The following USP7 variants were observed in gnomAD, a reference collection of about 807,000 sequenced individuals.
The protein encoded by USP7 is ubiquitin C-terminal hydrolase 7.
Under a neutral mutation model 162.9 loss-of-function variants are expected in USP7, and 9 were observed. The ratio of observed to expected loss-of-function variants is 0.06; its 90% CI spans 0.03 to 0.10. The LOEUF (loss-of-function observed/expected upper bound fraction) is 0.10, where lower values mean the gene tolerates loss of function less well. USP7 is among the 10% of genes least tolerant of loss of function. USP7 has a pLI of 1.00. For synonymous variants in USP7, 562 were observed against 475.9 expected (o/e 1.18, Z -2.35); for missense variants, 715 against 1,373.7 (o/e 0.52, Z 7.58).
intron 12 of USP7, among the ~76,000 whole-genome samples, chr16:8,907,899 T>G (rs1438101445): frequency 6.6e-6 from 1 of 152,234 alleles, no homozygotes; most frequent in African/African-American, 2.4e-5. Flanking sequence ...TCTTGAAAAC[T>G]CTAGCACATT....
intron 1 of USP7, among the ~76,000 whole-genome samples, chr16:8,956,840 C>G (rs933621168): frequency 6.6e-6 from 1 of 152,114 alleles, no homozygotes; most frequent in African/African-American, 2.4e-5. Context: ...AGAGCCCAGC[C>G]CCCCCGCAGG....
chr16:8,954,764 C>G (rs190113689), intron 1 of USP7, among the ~76,000 whole-genome samples: 1 of 152,012 alleles, frequency 6.6e-6, no homozygotes, highest in Non-Finnish European at 1.5e-5. Flanking sequence ...ATCAGGAGAT[C>G]GAGACCATCC....
In USP7 at chr16:8,892,183, A is replaced by C. The variant is rs188849047; in HGVS notation, c.*1815T>G. 1.3e-5 allele frequency: 2 copies of C among 152,386 alleles called. No homozygotes were observed. Among genetic ancestry groups the C allele is most frequent in the African/African-American group, 4.8e-5 (2 of 41,566 alleles). 9.4% of individuals were successfully genotyped at this position (152,386 alleles called of 1,614,324 possible). On this transcript the variant is annotated 3_prime_UTR_variant, in exon 31 of 31. Transcript: ENST00000344836. ...ACAGCCAACCCCCAGCCCAGAACAA[A>C]AACAAGACACCTTAATGTTTGTTCA...
chr16:8,925,169 G>C (rs1161063791), intron 2 of USP7, among the ~76,000 whole-genome samples: 1 of 152,192 alleles, frequency 6.6e-6, no homozygotes, highest in Non-Finnish European at 1.5e-5. Flanking sequence ...GAGGTTCGCC[G>C]AGGCTGTTTT....
intron 1 of USP7, among the ~76,000 whole-genome samples, chr16:8,949,365 A>G (rs1425345498): frequency 6.6e-6 from 1 of 152,234 alleles, no homozygotes; most frequent in East Asian, 1.9e-4. Context: ...CTATGTAGGG[A>G]AAAACTACTG....
intron 25 of USP7, 71 bp from the exon 26 acceptor site, chr16:8,897,170 G>C (rs112457721): frequency 2.5e-6 from 3 of 1,205,090 alleles, no homozygotes; most frequent in African/African-American, 3.0e-5. Context: ...AAGGAAGAGA[G>C]GAGAAAGTTG....
chr16:8,917,131 C>G lies in USP7; in HGVS notation c.746G>C (p.Gly249Ala). 2.5e-6 allele frequency: 4 copies of G among 1,612,758 alleles called. No individual in the cohort carries two copies. Among genetic ancestry groups the G allele is most frequent in the Non-Finnish European group, 3.4e-6 (4 of 1,179,650 alleles). Residue 249 changes from glycine (G) to alanine (A), a missense_variant, in exon 7 of 31, where the codon GGG becomes GCG. Coordinates refer to ENST00000344836, the MANE Select transcript of USP7 (RefSeq NM_003470.3). ...RKAVYMMPTE[G>A]DDSSKSVPLA... ...AGGGACGCTTTTAGACGAATCATCC[C>G]CCTCGGTTGGCATCATGTACACAGC...
intron 1 of USP7, among the ~76,000 whole-genome samples, chr16:8,952,875 C>T (rs999505716): frequency 6.6e-5 from 10 of 151,442 alleles, no homozygotes; most frequent in Non-Finnish European, 4.4e-5. Context: ...TTCTTGTTGT[C>T]GCCCAGGCTA....
At chr16:8,923,544 C>T (rs1897821058) in intron 2 of USP7, 131 bp from the exon 3 acceptor site, 3 of 962,186 alleles carry the variant, frequency 3.1e-6, no homozygotes, top group Non-Finnish European at 3.0e-6. Context: ...GAAAAAATTG[C>T]TTCCAATTTA....
At chr16:8,903,952 C>G (rs1183987655) in intron 15 of USP7, among the ~76,000 whole-genome samples, 2 of 152,120 alleles carry the variant, frequency 1.3e-5, no homozygotes, top group East Asian at 3.8e-4. Flanking sequence ...TTGGACCTAG[C>G]TAGACAGCCA....
At chr16:8,900,287 A>G (rs944616942) in intron 21 of USP7, among the ~76,000 whole-genome samples, 1 of 152,238 alleles carries the variant, frequency 6.6e-6, no homozygotes, top group African/African-American at 2.4e-5. Context: ...CACTCTACTA[A>G]TAGTTGCCAC....
chr16:8,931,692 C>A (rs867723446), intron 1 of USP7, among the ~76,000 whole-genome samples: 1 of 152,324 alleles, frequency 6.6e-6, no homozygotes, highest in Middle Eastern at 3.4e-3. Context: ...CAACAACATT[C>A]CAATCACTTT....
chr16:8,952,084 G>A (rs971260173), intron 1 of USP7, among the ~76,000 whole-genome samples: 7 of 148,114 alleles, frequency 4.7e-5, no homozygotes, highest in East Asian at 2.0e-4. Context: ...AGACCCCCCC[G>A]TCTATACAAA....
At chr16:8,898,680 T>A in intron 23 of USP7, 41 bp from the exon 24 acceptor site, 1 of 1,487,378 alleles carries the variant, frequency 6.7e-7, no homozygotes, top group East Asian at 2.3e-5. Context: ...ACTTGTTTAT[T>A]TGCCTAAAAA....
intron 1 of USP7, among the ~76,000 whole-genome samples, chr16:8,934,753 A>C (rs1596397799): frequency 6.6e-6 from 1 of 152,258 alleles, no homozygotes; most frequent in African/African-American, 2.4e-5. Flanking sequence ...AGTGGCTGTG[A>C]AATGGCAAAG....
At chr16:8,923,838 C>T (rs924652162) in intron 2 of USP7, among the ~76,000 whole-genome samples, 20 of 152,144 alleles carry the variant, frequency 1.3e-4, no homozygotes, top group African/African-American at 3.9e-4. Flanking sequence ...TTACAGAGCA[C>T]GGAACACACA....
At chr16:8,924,650 CA>C in intron 2 of USP7, among the ~76,000 whole-genome samples, 1 of 152,368 alleles carries the variant, frequency 6.6e-6, no homozygotes, top group South Asian at 2.1e-4. Flanking sequence ...CTTCAGACTC[CA>C]AAGTTCACTA....
intron 5 of USP7, 128 bp downstream of exon 5, chr16:8,920,231 C>T (rs759063150): frequency 8.4e-5 from 65 of 774,558 alleles, no homozygotes; most frequent in East Asian, 1.5e-4. Context: ...ACTCTGTGTG[C>T]CACAGGGCAA....
rs779936871 is a variant in USP7, at chr16:8,930,405, G to A, written c.80-8C>T. Reference sequence around the variant, plus strand: ...GGTCATCTGTATCTCCCGCTTTAAAGAAGAAAAAGAAATTCCACGGGTTTT... The same window carrying A: ...GGTCATCTGTATCTCCCGCTTTAAAAAAGAAAAAGAAATTCCACGGGTTTT... On this transcript the variant is annotated splice_polypyrimidine_tract_variant and splice_region_variant and intron_variant, in intron 1 of 30. Coordinates refer to ENST00000344836, the MANE Select transcript of USP7 (RefSeq NM_003470.3). 1.5e-5 allele frequency: 24 copies of A among 1,593,504 alleles called. No individual in the cohort carries two copies. The highest frequency in any genetic ancestry group is 2.1e-5 in the Non-Finnish European group (24 of 1,170,098).
Sources: allele counts gnomAD v4.1 joint callset (sites outside exome capture counted in the v4.1 genomes callset), GRCh38; gene constraint gnomAD v4.1.1; transcripts MANE v1.5; gene names NCBI Gene and HGNC (gene_info 2026-07-23, HGNC 2026-07-21).